The following SUGCT variants were observed in gnomAD, a reference collection of about 807,000 sequenced individuals.
SUGCT encodes the protein succinyl-CoA:glutarate CoA-transferase.
Under a neutral mutation model 55.0 loss-of-function variants are expected in SUGCT, and 41 were observed. That is an observed-to-expected ratio of 0.74 (90% confidence interval 0.58 to 0.97). The LOEUF (loss-of-function observed/expected upper bound fraction) is 0.97. SUGCT is among the 50% of genes least tolerant of loss of function. SUGCT has a pLI of 0.00. For missense variants in SUGCT, 568 were observed against 547.8 expected (o/e 1.04, Z -0.37); for synonymous variants, 187 against 200.4 (o/e 0.93, Z 0.56).
At chr7:40,452,746 A>G (rs1373084571) in intron 10 of SUGCT, among the ~76,000 whole-genome samples, 1 of 152,190 alleles carries the variant, frequency 6.6e-6, no homozygotes, top group Non-Finnish European at 1.5e-5. Flanking sequence ...GGCCTTGCTC[A>G]TGTGCACTTA....
chr7:40,239,238 A>T (rs1206912509), intron 7 of SUGCT, among the ~76,000 whole-genome samples: 1 of 152,026 alleles, frequency 6.6e-6, no homozygotes, highest in Non-Finnish European at 1.5e-5. Context: ...GTGGCACCAA[A>T]CCTGACTAAT....
chr7:40,310,284 C>A (rs947684600), intron 8 of SUGCT, among the ~76,000 whole-genome samples: 2 of 152,098 alleles, frequency 1.3e-5, no homozygotes, highest in Admixed American at 1.3e-4. Context: ...AAATCCCAGT[C>A]GAGGAAAATT....
At chr7:40,689,832 G>A (rs953576881) in intron 12 of SUGCT, among the ~76,000 whole-genome samples, 14 of 152,226 alleles carry the variant, frequency 9.2e-5, no homozygotes, top group African/African-American at 3.1e-4. Flanking sequence ...GATTAGCTGT[G>A]CATATTATTT....
chr7:40,981,044 C>T, the SUGCT span, among the ~76,000 whole-genome samples: 14 of 152,120 alleles, frequency 9.2e-5, no homozygotes, highest in Non-Finnish European at 2.1e-4. Flanking sequence ...GTTTGCTCCT[C>T]CACCTTCCAG....
the SUGCT span, among the ~76,000 whole-genome samples, chr7:41,034,486 G>C: frequency 6.6e-6 from 1 of 152,146 alleles, no homozygotes; most frequent in Non-Finnish European, 1.5e-5. Flanking sequence ...ACACAATCTT[G>C]CTGGGGCTGG....
chr7:40,858,403 C>CAA lies in SUGCT; in HGVS notation c.1154-1888_1154-1887dup, dbSNP rs58628576. On this transcript the variant is annotated intron_variant, in intron 13 of 13. Transcript: ENST00000335693. ...GGGCAACAAGAGCAAAATTCCATCT[C>CAA]AAAAAAAAAAAAAAAAAAAAAAAAA... Among the ~76,000 whole-genome samples, 129 of 34,726 alleles carry CAA rather than the reference C, an allele frequency of 3.7e-3. 4 individuals are homozygous for CAA. Among genetic ancestry groups the CAA allele is most frequent in the African/African-American group, 0.011 (98 of 9,028 alleles). 22.8% of individuals were successfully genotyped at this position (34,726 alleles called of 152,430 possible).
chr7:40,977,044 C>T, the SUGCT span, among the ~76,000 whole-genome samples: 3 of 152,322 alleles, frequency 2.0e-5, no homozygotes, highest in African/African-American at 7.2e-5. Context: ...CTTTCAGCAA[C>T]AGGCTGATCC....
chr7:40,255,767 A>G (rs928955378), intron 7 of SUGCT, among the ~76,000 whole-genome samples: 2 of 148,752 alleles, frequency 1.3e-5, no homozygotes, highest in Non-Finnish European at 3.0e-5. Context: ...TTGCTCCTTG[A>G]TATTTTATTT....
At chr7:40,348,562 A>G (rs1205577687) in intron 9 of SUGCT, among the ~76,000 whole-genome samples, 1 of 152,162 alleles carries the variant, frequency 6.6e-6, no homozygotes, top group African/African-American at 2.4e-5. Context: ...CTGTGAGCCA[A>G]TACACTTGAC....
rs182170636 is a variant in SUGCT at position 40,195,023 on chromosome 7, C to G, written c.447C>G (p.Asp149Glu). 3.1e-6 allele frequency: 5 copies of G among 1,613,794 alleles called. No individual in the cohort carries two copies. The highest frequency in any genetic ancestry group is 4.5e-5 in the East Asian group (2 of 44,870). ...SAMGLGYEDIDEIAPHIIYCS... is the reference protein window; with the variant it reads ...SAMGLGYEDIEEIAPHIIYCS... ...TGGGCCTGGGATATGAAGATATAGA[C>G]GAGATTGCTCCTCACATCATCTATT... The change falls in exon 6 of 14, where the codon GAC (aspartate) becomes GAG (glutamate). Residue 149 changes from aspartate to glutamate, a missense_variant. Coordinates refer to ENST00000335693, the MANE Select transcript of SUGCT (RefSeq NM_001193313.2).
intron 6 of SUGCT, among the ~76,000 whole-genome samples, chr7:40,196,910 C>T (rs2150753828): frequency 6.6e-6 from 1 of 152,284 alleles, no homozygotes; most frequent in East Asian, 1.9e-4. Flanking sequence ...TCTCAGCTCA[C>T]TGCAACCTCC....
intron 9 of SUGCT, among the ~76,000 whole-genome samples, chr7:40,347,196 A>G (rs1417165736): frequency 6.6e-6 from 1 of 152,220 alleles, no homozygotes; most frequent in Non-Finnish European, 1.5e-5. Context: ...AGGCTCAGAA[A>G]GAATGAGGAG....
chr7:40,381,968 A>G (rs1056629500), intron 9 of SUGCT, among the ~76,000 whole-genome samples: 4 of 152,166 alleles, frequency 2.6e-5, no homozygotes, highest in African/African-American at 9.6e-5. Flanking sequence ...CTGATGACAC[A>G]GATCTGGAGT....
chr7:40,532,528 G>C (rs1562842226), intron 12 of SUGCT, among the ~76,000 whole-genome samples: 1 of 113,400 alleles, frequency 8.8e-6, no homozygotes, highest in African/African-American at 3.2e-5. Flanking sequence ...AAGTATGTCT[G>C]TGTGTGTGTG....
Position 40,602,816 on chromosome 7 carries a change from G to A in SUGCT, c.1089+106430G>A, listed in dbSNP as rs947368340. Among the ~76,000 whole-genome samples the A allele has an allele frequency of 1.3e-4, 20 of 152,080 alleles. 1 individual carries two copies. The highest frequency in any genetic ancestry group is 1.2e-3 in the Admixed American group (18 of 15,274). The stretch of plus-strand genomic sequence containing the variant: ...TATGTACTATCTCTCCCTTCCATGG[G>A]ATTAGCAATCCCATCCTAGACATTA... On this transcript the variant is annotated intron_variant, in intron 12 of 13. Coordinates refer to ENST00000335693, the MANE Select transcript of SUGCT (RefSeq NM_001193313.2).
intron 7 of SUGCT, among the ~76,000 whole-genome samples, chr7:40,244,182 C>A (rs1789658119): frequency 6.6e-6 from 1 of 151,956 alleles, no homozygotes; most frequent in South Asian, 2.1e-4. Context: ...CAAAACAAAA[C>A]AAAATTAAAA....
chr7:40,782,356 A>G (rs1355226576), intron 13 of SUGCT, among the ~76,000 whole-genome samples: 2 of 152,090 alleles, frequency 1.3e-5, no homozygotes, highest in Non-Finnish European at 2.9e-5. Flanking sequence ...TTTTCTTGCC[A>G]ATATAAGTAG....
intron 9 of SUGCT, among the ~76,000 whole-genome samples, chr7:40,392,286 T>C (rs1262023099): frequency 6.6e-6 from 1 of 151,944 alleles, no homozygotes; most frequent in East Asian, 1.9e-4. Flanking sequence ...AGTATAATAA[T>C]AATAAAATAA....
At chr7:40,653,554 C>T (rs537621388) in intron 12 of SUGCT, among the ~76,000 whole-genome samples, 33 of 152,212 alleles carry the variant, frequency 2.2e-4, no homozygotes, top group African/African-American at 7.0e-4. Context: ...GACATTCCGA[C>T]GTGTATTTAA....
Sources: gnomAD v4.1 joint callset for allele counts (sites outside exome capture counted in the v4.1 genomes callset) on GRCh38, gnomAD v4.1.1 for gene constraint, MANE v1.5 for transcripts, NCBI Gene and HGNC (gene_info 2026-07-23, HGNC 2026-07-21) for gene names.